MRTFB: variants seen among roughly 807,000 people sequenced by gnomAD.
MRTFB encodes myocardin-related transcription factor B.
Under a neutral mutation model 104.2 loss-of-function variants are expected in MRTFB, and 29 were observed. The observed-to-expected ratio is 0.28, with a 90% CI of 0.21 to 0.38. The LOEUF (loss-of-function observed/expected upper bound fraction) is 0.38. Ranked by LOEUF, MRTFB falls within the 10% of genes least tolerant of loss-of-function variation. MRTFB has a pLI of 1.00. For synonymous variants in MRTFB, 535 were observed against 519.5 expected (o/e 1.03, Z -0.41); for missense variants, 1,270 against 1,341.6 (o/e 0.95, Z 0.83).
rs763010925 is a variant in MRTFB at position 14,245,575 on chromosome 16, A to G, written c.1127A>G (p.Asn376Ser). 36 of 1,613,980 alleles carry G rather than the reference A, an allele frequency of 2.2e-5. No homozygotes were observed. The highest frequency in any genetic ancestry group is 1.6e-4 in the Middle Eastern group (1 of 6,084). Residue 376 changes from asparagine to serine, a missense_variant, in exon 11 of 17, where the codon AAT becomes AGT. Around this residue, in one of 3 missense-constraint regions of MRTFB, gnomAD observed 1,144 missense variants for 1,131.5 expected, o/e 1.01. Transcript: ENST00000571589. ...AACAGTGGGAATTCAGCTTTGAACAATGCCACACCTAACACACCAAGACAG... is the reference window on the plus strand; with the variant it reads ...AACAGTGGGAATTCAGCTTTGAACAGTGCCACACCTAACACACCAAGACAG... ...NSNSGNSALN[N>S]ATPNTPRQNT...
Position 14,091,775 on chromosome 16 carries a change from A to G in MRTFB, c.-64+12421A>G, listed in dbSNP as rs541837844. Among the ~76,000 whole-genome samples the G allele has an allele frequency of 3.9e-5, 6 of 152,134 alleles. No homozygotes were observed. In the East Asian group the frequency reaches 1.2e-3, roughly 29 times the overall value. The stretch of plus-strand genomic sequence containing the variant: ...TTTGGGAGGCCGAGGCGGGCAGATC[A>G]CTTGAGGTCAGGAGTTTGAGACCAG... On this transcript the variant is annotated intron_variant, in intron 2 of 16. Transcript: ENST00000571589.
chr16:14,170,925 T>A (rs1371748139), intron 3 of MRTFB, among the ~76,000 whole-genome samples: 2 of 152,182 alleles, frequency 1.3e-5, no homozygotes, highest in Non-Finnish European at 2.9e-5. Context: ...TTTCTACTTT[T>A]AAAAAAAGTT....
At chr16:13,996,007 C>T in the MRTFB span, among the ~76,000 whole-genome samples, 66 of 152,296 alleles carry the variant, frequency 4.3e-4, 1 homozygote, top group African/African-American at 1.5e-3. Flanking sequence ...CACGGTGGCT[C>T]ATGCCTGTAA....
chr16:14,051,630 C>A, the MRTFB span, among the ~76,000 whole-genome samples: 2 of 151,920 alleles, frequency 1.3e-5, no homozygotes, highest in Non-Finnish European at 1.5e-5. Context: ...CATAGATATA[C>A]AAACACACTC....
At position 14,213,449 on chromosome 16, in the gene MRTFB, A is replaced by G. The variant is rs149992021; in HGVS notation, c.277-96A>G. On this transcript the variant is annotated intron_variant, in intron 5 of 16. Coordinates refer to ENST00000571589, the MANE Select transcript of MRTFB (RefSeq NM_001308142.2). Reference sequence around the variant, plus strand: ...CTCTTCGTCTCAAACACATGACCATAAGCGTATCGTTTATTTAAATGGAAT... The same window carrying G: ...CTCTTCGTCTCAAACACATGACCATGAGCGTATCGTTTATTTAAATGGAAT... The G allele has an allele frequency of 2.7e-5, 21 of 786,942 alleles. No individual in the cohort carries two copies. The African/African-American group carries it at 3.3e-4, about 12-fold the overall frequency. 48.7% of individuals were successfully genotyped at this position (786,942 alleles called of 1,614,324 possible). A position where few individuals can be genotyped will look rare whatever the true frequency, so the allele number is the denominator to read the frequency against.
chr16:14,241,131 G>A (rs1029850787), intron 10 of MRTFB: 3 of 250,740 alleles, frequency 1.2e-5, no homozygotes, highest in Admixed American at 5.2e-5. Context: ...GATAGACAAC[G>A]GAGTGCTTCA....
At chr16:14,067,975 C>T (rs943913912), upstream of MRTFB, among the ~76,000 whole-genome samples, 2 of 152,002 alleles carry the variant, frequency 1.3e-5, no homozygotes, top group Non-Finnish European at 2.9e-5. Context: ...GAGACTACAG[C>T]CGCCCGCCAC....
chr16:14,259,160 C>G (rs1346490727), intron 16 of MRTFB, among the ~76,000 whole-genome samples: 1 of 152,148 alleles, frequency 6.6e-6, no homozygotes, highest in Admixed American at 6.5e-5. Flanking sequence ...GCCGGCCAAC[C>G]CCCGTGGCTT....
intron 14 of MRTFB, 104 bp from the exon 15 acceptor site, chr16:14,252,261 C>T: frequency 1.3e-6 from 2 of 1,496,748 alleles, no homozygotes; most frequent in Non-Finnish European, 1.8e-6. Flanking sequence ...CTCATGAATT[C>T]CCTGATTTGG....
intron 1 of MRTFB, among the ~76,000 whole-genome samples, chr16:14,078,223 G>A (rs1026581096): frequency 6.6e-6 from 1 of 152,192 alleles, no homozygotes; most frequent in African/African-American, 2.4e-5. Context: ...AACTCTGTAA[G>A]GAGAGAAACT....
At chr16:14,100,458 T>G (rs1017988573) in intron 2 of MRTFB, among the ~76,000 whole-genome samples, 11 of 152,234 alleles carry the variant, frequency 7.2e-5, no homozygotes, top group Admixed American at 7.2e-4. Context: ...CATTTGGTCA[T>G]GTACCTTTTC....
At chr16:14,163,690 A>G (rs1192979483) in intron 3 of MRTFB, among the ~76,000 whole-genome samples, 1 of 151,946 alleles carries the variant, frequency 6.6e-6, no homozygotes, top group African/African-American at 2.4e-5. Flanking sequence ...AAAATTAGCC[A>G]GGTGTGGTGG....
Position 14,247,205 on chromosome 16 carries a change from A to G in MRTFB, c.1945A>G (p.Ser649Gly). ...KDEASLPDCS[S>G]SRQPIPVASH... is the part of the protein sequence containing the mutation. ...TGAGGCCTCACTCCCTGACTGCTCCAGCTCCAGGCAGCCCATCCCAGTAGC... is the reference window on the plus strand; with the variant it reads ...TGAGGCCTCACTCCCTGACTGCTCCGGCTCCAGGCAGCCCATCCCAGTAGC... The change falls in exon 12 of 17, where the codon AGC becomes GGC. Residue 649 changes from serine (S) to glycine (G), a missense_variant. Physicochemically the swap from Ser to Gly is moderately conservative, Grantham distance 56 (BLOSUM62 0). This residue lies in a region of MRTFB where 1,144 missense variants were observed against 1,131.5 expected (regional missense o/e 1.01). Transcript: ENST00000571589. 4 of 1,614,176 alleles carry G rather than the reference A, an allele frequency of 2.5e-6. No individual in the cohort carries two copies. Among genetic ancestry groups the G allele is most frequent in the Non-Finnish European group, 2.5e-6 (3 of 1,180,042 alleles).
chr16:14,020,616 A>G, the MRTFB span: 1 of 152,218 alleles, frequency 6.6e-6, no homozygotes, highest in Non-Finnish European at 1.5e-5. Flanking sequence ...CCCCAAGAAA[A>G]GCTGAGAGAA....
intron 3 of MRTFB, chr16:14,143,098 C>G (rs1415158933): frequency 6.6e-6 from 1 of 150,682 alleles, no homozygotes; most frequent in Non-Finnish European, 1.5e-5. Context: ...ATCTTCATTT[C>G]TGTCTCTTTG....
chr16:14,139,666 T>C (rs1352172381), intron 2 of MRTFB, among the ~76,000 whole-genome samples: 1 of 152,202 alleles, frequency 6.6e-6, no homozygotes, highest in African/African-American at 2.4e-5. Context: ...CACATGTCCA[T>C]ATAGATACCT....
rs112354493 is a variant in MRTFB at position 14,252,010 on chromosome 16, A to C, written c.2552A>C (p.Asn851Thr). 1.2e-6 allele frequency: 2 copies of C among 1,614,086 alleles called. No homozygotes were observed. Among genetic ancestry groups the C allele is most frequent in the African/African-American group, 2.7e-5 (2 of 75,040 alleles). Residue 851 changes from asparagine (N) to threonine (T), a missense_variant, in exon 14 of 17, where the codon AAC becomes ACC. By Grantham distance (65) the Asn-to-Thr change is moderately conservative (BLOSUM62 0). This residue lies in a region of MRTFB where 1,144 missense variants were observed against 1,131.5 expected (regional missense o/e 1.01). Coordinates refer to ENST00000571589, the MANE Select transcript of MRTFB (RefSeq NM_001308142.2). ...CTTCCATCCCTGCAAAATGGACCTA[A>C]CACACCCAACAAGGTAACCCTGTGA... ...APLPSLQNGP[N>T]TPNKPSSPPP...
intron 2 of MRTFB, among the ~76,000 whole-genome samples, chr16:14,110,282 G>A (rs965228544): frequency 6.6e-6 from 1 of 152,186 alleles, no homozygotes; most frequent in Non-Finnish European, 1.5e-5. Context: ...AAACCACATG[G>A]CTGGTTCCCT....
chr16:14,004,166 A>G, the MRTFB span, among the ~76,000 whole-genome samples: 2 of 152,176 alleles, frequency 1.3e-5, no homozygotes, highest in Admixed American at 6.5e-5. Flanking sequence ...CCGGACCTTG[A>G]TTTCTGTAGG....
Sources: allele counts gnomAD v4.1 joint callset (sites outside exome capture counted in the v4.1 genomes callset), GRCh38; gene constraint gnomAD v4.1.1; regional missense constraint gnomAD v4.1.1; transcripts MANE v1.5; gene names NCBI Gene and HGNC (gene_info 2026-07-23, HGNC 2026-07-21).